Variants in AXDND1 observed in about 807,000 individuals in gnomAD.
AXDND1 encodes axonemal dynein light chain domain-containing protein 1.
AXDND1 carries 110 observed loss-of-function variants against 137.5 expected under a neutral mutation model. The observed-to-expected ratio is 0.80, with a 90% CI of 0.69 to 0.94. The LOEUF (loss-of-function observed/expected upper bound fraction) is 0.94. Among genes scored for constraint, AXDND1 ranks in the 40% least tolerant of loss-of-function variants. AXDND1 has a pLI of 0.00. For missense variants in AXDND1, 1,191 were observed against 1,169.8 expected (o/e 1.02, Z -0.26); for synonymous variants, 414 against 399.7 (o/e 1.04, Z -0.43).
At chr1:179,458,445 T>C (rs1002277028) in intron 16 of AXDND1, among the ~76,000 whole-genome samples, 2 of 152,036 alleles carry the variant, frequency 1.3e-5, no homozygotes, top group Non-Finnish European at 1.5e-5. Flanking sequence ...ACAATAAATA[T>C]AGTACAAATA....
At chr1:179,471,206 C>A (rs4652394) in intron 17 of AXDND1, among the ~76,000 whole-genome samples, 1 of 151,874 alleles carries the variant, frequency 6.6e-6, no homozygotes, top group Non-Finnish European at 1.5e-5. Context: ...GTGATGTCTT[C>A]GCCTGGTGTT....
At chr1:179,493,707 G>A (rs962461743) in intron 20 of AXDND1, among the ~76,000 whole-genome samples, 1 of 152,164 alleles carries the variant, frequency 6.6e-6, no homozygotes, top group Non-Finnish European at 1.5e-5. Flanking sequence ...ATAGCTAGAA[G>A]AGAAGAATTG....
At chr1:179,390,384 C>T (rs888834648) in intron 9 of AXDND1, among the ~76,000 whole-genome samples, 30 of 152,210 alleles carry the variant, frequency 2.0e-4, no homozygotes, top group Middle Eastern at 3.4e-3. Context: ...TGATCACTTC[C>T]AAATATTTTG....
At chr1:179,449,307 G>A in intron 16 of AXDND1, 2 of 302,174 alleles carry the variant, frequency 6.6e-6, no homozygotes, top group South Asian at 5.0e-5. Flanking sequence ...TAATAGTCTT[G>A]GCATCCTTGT....
At chr1:179,505,797 G>T (rs1668486077) in intron 20 of AXDND1, among the ~76,000 whole-genome samples, 1 of 152,134 alleles carries the variant, frequency 6.6e-6, no homozygotes, top group Non-Finnish European at 1.5e-5. Flanking sequence ...AACAGATAGG[G>T]ATTATCTAGT....
At chr1:179,437,039 T>C (rs1658256079) in intron 15 of AXDND1, among the ~76,000 whole-genome samples, 1 of 147,300 alleles carries the variant, frequency 6.8e-6, no homozygotes, top group African/African-American at 2.5e-5. Context: ...CCAACATATG[T>C]CTTCTTCATC....
intron 25 of AXDND1, among the ~76,000 whole-genome samples, chr1:179,547,421 A>G (rs1186828304): frequency 2.6e-5 from 4 of 152,342 alleles, no homozygotes; most frequent in South Asian, 4.1e-4. Context: ...TCTGACCTCA[A>G]AGATGAACTA....
chr1:179,461,246 T>C (rs12131567), intron 16 of AXDND1, among the ~76,000 whole-genome samples: 25,529 of 152,142 alleles, frequency 0.17, 2,494 homozygotes, highest in East Asian at 0.35. Context: ...AAGGAAGGGA[T>C]CCAGTTTCAG....
chr1:179,434,948 G>A lies in AXDND1; in HGVS notation c.1563+2606G>A, dbSNP rs140221954. 8.1e-4 allele frequency among the ~76,000 whole-genome samples: 123 copies of A among 152,178 alleles called. 1 individual carries two copies. The East Asian group carries it at 0.021, about 26-fold the overall frequency. ...GATTCTATGTTTAGAAAACCCCATC[G>A]TCTCAGCCCCAAAACTCCTTAAGCT... On this transcript the variant is annotated intron_variant, in intron 15 of 25. Coordinates refer to ENST00000367618, the MANE Select transcript of AXDND1 (RefSeq NM_144696.6).
intron 11 of AXDND1, among the ~76,000 whole-genome samples, chr1:179,397,858 A>C (rs1469632422): frequency 6.6e-6 from 1 of 152,098 alleles, no homozygotes; most frequent in African/African-American, 2.4e-5. Flanking sequence ...AGTCTTTTTT[A>C]TACTGGCTAT....
At chr1:179,382,599 A>G in intron 6 of AXDND1, 101 bp from the exon 7 acceptor site, 1 of 757,406 alleles carries the variant, frequency 1.3e-6, no homozygotes. Flanking sequence ...TTAGTGGAGA[A>G]TGGTACTTAG....
chr1:179,422,126 T>G (rs938195258), intron 12 of AXDND1, among the ~76,000 whole-genome samples: 8 of 152,156 alleles, frequency 5.3e-5, no homozygotes, highest in Non-Finnish European at 1.2e-4. Context: ...TTTCTGCTGT[T>G]ATCTGTATTA....
At chr1:179,541,548 G>T (rs1026172972) in intron 25 of AXDND1, among the ~76,000 whole-genome samples, 1 of 151,650 alleles carries the variant, frequency 6.6e-6, no homozygotes, top group Non-Finnish European at 1.5e-5. Context: ...AGTTATACAG[G>T]TAATACTTGT....
chr1:179,518,421 T>G (rs1163669597), intron 21 of AXDND1, among the ~76,000 whole-genome samples: 1 of 150,780 alleles, frequency 6.6e-6, no homozygotes, highest in Admixed American at 6.6e-5. Context: ...TCGGGGTACA[T>G]GTGCAGGTTT....
In AXDND1 at chr1:179,426,547, T is replaced by A. The variant is rs542151992; in HGVS notation, c.1231-2971T>A. On this transcript the variant is annotated intron_variant, in intron 12 of 25. Transcript: ENST00000367618. ...AAATTTTTATAGAGGCTAACAGTAT[T>A]TTAAATTTGTACCTGTTTGATTAAC... is the stretch of plus-strand genomic sequence containing the variant. Among the ~76,000 whole-genome samples, 4 of 152,302 alleles carry A rather than the reference T, an allele frequency of 2.6e-5. No individual in the cohort carries two copies. The East Asian group carries it at 7.7e-4, about 29-fold the overall frequency.
chr1:179,396,060 G>A (rs1048737577), intron 11 of AXDND1, among the ~76,000 whole-genome samples: 5 of 151,660 alleles, frequency 3.3e-5, no homozygotes, highest in East Asian at 1.9e-4. Flanking sequence ...TCCTAGCTAC[G>A]TGGAAGGCTG....
At chr1:179,445,755 G>C (rs529231437) in intron 16 of AXDND1, among the ~76,000 whole-genome samples, 9 of 152,308 alleles carry the variant, frequency 5.9e-5, no homozygotes, top group Non-Finnish European at 1.2e-4. Context: ...TCTGTTGGTA[G>C]GCATTTGGGT....
At chr1:179,404,641 G>C (rs572346543) in intron 11 of AXDND1, among the ~76,000 whole-genome samples, 1 of 152,292 alleles carries the variant, frequency 6.6e-6, no homozygotes, top group South Asian at 2.1e-4. Flanking sequence ...TTGATATGTT[G>C]TTGGATTTGC....
At position 179,488,632 on chromosome 1, in the gene AXDND1, C is replaced by CT. The variant is rs750489813; in HGVS notation, c.2092-2905dup. Among the ~76,000 whole-genome samples, 344 of 63,158 alleles carry CT rather than the reference C, an allele frequency of 5.4e-3. 30 individuals carry two copies. The highest frequency in any genetic ancestry group is 9.9e-3 in the South Asian group (19 of 1,910). The allele number at this position is 63,158 out of a possible 152,430, so 41.4% of individuals were successfully genotyped here. A position where few individuals can be genotyped will look rare whatever the true frequency, so the allele number is the denominator to read the frequency against. ...TCTTTCTTTCTTTCTCTCTCTCTCT[C>CT]TCCTTTCTTTCTTTCTTTCTTTCTT... On this transcript the variant is annotated intron_variant, in intron 18 of 25. Transcript: ENST00000367618.
Sources: gnomAD v4.1 joint callset for allele counts (sites outside exome capture counted in the v4.1 genomes callset) on GRCh38, gnomAD v4.1.1 for gene constraint, MANE v1.5 for transcripts, NCBI Gene and HGNC (gene_info 2026-07-23, HGNC 2026-07-21) for gene names.